PRAG1: variants seen among roughly 807,000 people sequenced by gnomAD.
PRAG1 encodes inactive tyrosine-protein kinase PRAG1.
Under a neutral mutation model 95.6 loss-of-function variants are expected in PRAG1, and 110 were observed. That is an observed-to-expected ratio of 1.15 (90% CI 0.99 to 1.35). The LOEUF (loss-of-function observed/expected upper bound fraction) is 1.35. Among genes scored for constraint, PRAG1 ranks in the 40% most tolerant of loss-of-function variants. The pLI is 0.00. For synonymous variants in PRAG1, 1,052 were observed against 819.4 expected (o/e 1.28, Z -4.85); for missense variants, 2,554 against 1,864.7 (o/e 1.37, Z -6.81).
In PRAG1 at chr8:8,377,301, T is replaced by C. The variant is rs769540254; in HGVS notation, c.1108A>G (p.Lys370Glu). 3.1e-6 allele frequency: 5 copies of C among 1,612,606 alleles called. No individual in the cohort carries two copies. In the Admixed American group the frequency reaches 8.3e-5, roughly 27 times the overall value. Residue 370 changes from lysine to glutamate, a missense_variant, in exon 3 of 6, where the codon AAG becomes GAG. Physicochemically the swap from Lys to Glu is moderately conservative, Grantham distance 56 (BLOSUM62 1). Coordinates refer to ENST00000615670, the MANE Select transcript of PRAG1 (RefSeq NM_001080826.3). Reference sequence around the variant, plus strand: ...TGCTGCTTCTCTGGGGCAGGTTCCTTCATGAGGGAGCAGTAATCACTCTCG... The same window carrying C: ...TGCTGCTTCTCTGGGGCAGGTTCCTCCATGAGGGAGCAGTAATCACTCTCG... ...HLESDYCSLM[K>E]EPAPEKQQDP...
intron 5 of PRAG1, among the ~76,000 whole-genome samples, chr8:8,320,910 G>C (rs562028835): frequency 6.6e-5 from 10 of 152,316 alleles, no homozygotes; most frequent in African/African-American, 2.4e-4. Context: ...TGTTTTTAAA[G>C]CTAATTGTCG....
At chr8:8,328,536 C>CTTTA (rs1308732028) in intron 4 of PRAG1, 75 bp from the exon 5 acceptor site, 54 of 1,452,640 alleles carry the variant, frequency 3.7e-5, no homozygotes, top group African/African-American at 3.3e-4. Context: ...ACTTGTTTCC[C>CTTTA]TTTATTTATT....
chr8:8,341,625 T>A (rs1039330008), intron 3 of PRAG1, among the ~76,000 whole-genome samples: 1 of 152,202 alleles, frequency 6.6e-6, no homozygotes. Flanking sequence ...GTTTCTCCTT[T>A]ACTCTGTGAA....
intron 5 of PRAG1, among the ~76,000 whole-genome samples, chr8:8,324,291 C>G (rs947195449): frequency 2.6e-5 from 4 of 152,324 alleles, no homozygotes; most frequent in Non-Finnish European, 5.9e-5. Context: ...CACTTGAGGC[C>G]TGGAGCTCCA....
At position 8,345,667 on chromosome 8, in the gene PRAG1, T is replaced by C. The variant is rs545019247; in HGVS notation, c.2163-6032A>G. Among the ~76,000 whole-genome samples, 502 of 152,200 alleles carry C rather than the reference T, an allele frequency of 3.3e-3. 4 individuals carry two copies. The highest frequency in any genetic ancestry group is 0.011 in the African/African-American group (472 of 41,512). On this transcript the variant is annotated intron_variant, in intron 3 of 5. Transcript: ENST00000615670. Reference sequence around the variant, plus strand: ...AAAATTAGCCAAGCACGGTGGTGTATGCCTGTAGTCCCAGCTACTCAGGAG... The same window carrying C: ...AAAATTAGCCAAGCACGGTGGTGTACGCCTGTAGTCCCAGCTACTCAGGAG...
In PRAG1 at chr8:8,319,138, G is replaced by T. The variant is rs2011560; in HGVS notation, c.3237C>A (p.His1079Gln). The T allele has an allele frequency of 5.2e-5, 84 of 1,605,660 alleles. No homozygotes were observed. The highest frequency in any genetic ancestry group is 6.9e-5 in the Non-Finnish European group (81 of 1,176,702). Residue 1079 changes from histidine to glutamine, a missense_variant, in exon 6 of 6, where the codon CAC becomes CAA. Transcript: ENST00000615670. ...PKDPVPALPTHPPAQEQDCVV... is the reference protein window; with the variant it reads ...PKDPVPALPTQPPAQEQDCVV... ...CGCAGTCCTGCTCCTGGGCAGGGGG[G>T]TGTGTGGGCAGGGCAGGCACAGGGT...
chr8:8,326,990 CATT>C (rs2117112685), intron 5 of PRAG1, among the ~76,000 whole-genome samples: 1 of 152,296 alleles, frequency 6.6e-6, no homozygotes, highest in East Asian at 1.9e-4. Flanking sequence ...CTGGATCTAA[CATT>C]AGAAGAATGA....
Position 8,376,801 on chromosome 8 carries a change from G to T in PRAG1, c.1608C>A (p.Ser536Arg). Residue 536 changes from serine (S) to arginine (R), a missense_variant, in exon 3 of 6, where the codon AGC becomes AGA. By Grantham distance (110) the Ser-to-Arg change is moderately radical. Coordinates refer to ENST00000615670, the MANE Select transcript of PRAG1 (RefSeq NM_001080826.3). ...RESHAHSASE[S>R]KPKERPAIPP... ...GAATGGCGGGCCTCTCCTTGGGCTTGCTCTCGCTGGCACTGTGAGCATGGC... is the reference window on the plus strand; with the variant it reads ...GAATGGCGGGCCTCTCCTTGGGCTTTCTCTCGCTGGCACTGTGAGCATGGC... 1.2e-6 allele frequency: 2 copies of T among 1,611,430 alleles called. No homozygotes were observed. The highest frequency in any genetic ancestry group is 1.7e-6 in the Non-Finnish European group (2 of 1,179,776).
intron 3 of PRAG1, among the ~76,000 whole-genome samples, chr8:8,362,575 C>T (rs908035641): frequency 2.6e-5 from 4 of 152,320 alleles, no homozygotes; most frequent in Middle Eastern, 3.4e-3. Context: ...AGAGACCCTG[C>T]CCCAGAGGAG....
At chr8:8,384,575 T>C (rs1165737292) in intron 1 of PRAG1, among the ~76,000 whole-genome samples, 1 of 126,930 alleles carries the variant, frequency 7.9e-6, no homozygotes, top group African/African-American at 3.1e-5. Flanking sequence ...GGTTTCTCAG[T>C]CGCAGCAAAC....
chr8:8,377,803 G>A lies in PRAG1; in HGVS notation c.606C>T (p.Ser202=). Reference sequence around the variant, plus strand: ...GTTTCTGGCGGAAGCTCTCCTGGGTGGAGGGCCGGTCTTGGTAAGGAAATG... The same window carrying A: ...GTTTCTGGCGGAAGCTCTCCTGGGTAGAGGGCCGGTCTTGGTAAGGAAATG... ...KPSFPYQDRP[S]TQESFRQKLA... Residue 202 remains serine, a synonymous_variant, in exon 3 of 6, where the codon TCC becomes TCT. Coordinates refer to ENST00000615670, the MANE Select transcript of PRAG1 (RefSeq NM_001080826.3). 6 of 1,614,162 alleles carry A rather than the reference G, an allele frequency of 3.7e-6. No homozygotes were observed. The highest frequency in any genetic ancestry group is 5.1e-6 in the Non-Finnish European group (6 of 1,180,046).
At chr8:8,378,155 G>C in intron 2 of PRAG1, 77 bp from the exon 3 acceptor site, 3 of 1,466,832 alleles carry the variant, frequency 2.0e-6, no homozygotes, top group Non-Finnish European at 2.7e-6. Flanking sequence ...AAGTGAGAGG[G>C]AAGGGCAACG....
intron 3 of PRAG1, among the ~76,000 whole-genome samples, chr8:8,365,567 T>C (rs1453563855): frequency 6.6e-6 from 1 of 151,918 alleles, no homozygotes; most frequent in African/African-American, 2.4e-5. Context: ...GAGGTTGTGG[T>C]GAGCTGACAT....
chr8:8,367,280 G>A (rs1008555237), intron 3 of PRAG1, among the ~76,000 whole-genome samples: 1 of 151,424 alleles, frequency 6.6e-6, no homozygotes, highest in African/African-American at 2.4e-5. Flanking sequence ...CCAACATGGT[G>A]AACCCCATCT....
chr8:8,373,256 C>A (rs1585272317), intron 3 of PRAG1, among the ~76,000 whole-genome samples: 1 of 152,178 alleles, frequency 6.6e-6, no homozygotes, highest in East Asian at 1.9e-4. Context: ...AGCGGAGGTA[C>A]TGAGTTCCAG....
intron 5 of PRAG1, among the ~76,000 whole-genome samples, chr8:8,320,534 C>T (rs1488915610): frequency 5.9e-5 from 9 of 152,208 alleles, no homozygotes; most frequent in Non-Finnish European, 1.3e-4. Flanking sequence ...CTCAATCTCC[C>T]TGTCATTACC....
chr8:8,357,609 C>T (rs1037839347), intron 3 of PRAG1, among the ~76,000 whole-genome samples: 13 of 152,138 alleles, frequency 8.5e-5, no homozygotes, highest in African/African-American at 2.9e-4. Context: ...AATGGTGCAG[C>T]TGCTATGGAA....
At chr8:8,354,159 A>G (rs1044049137) in intron 3 of PRAG1, among the ~76,000 whole-genome samples, 2 of 152,156 alleles carry the variant, frequency 1.3e-5, no homozygotes, top group African/African-American at 4.8e-5. Flanking sequence ...GAACAATTAT[A>G]TGCCAACAAA....
intron 3 of PRAG1, among the ~76,000 whole-genome samples, chr8:8,340,752 G>A (rs746134089): frequency 4.6e-5 from 7 of 152,140 alleles, no homozygotes; most frequent in Non-Finnish European, 5.9e-5. Context: ...AAGTTTGTTC[G>A]CTACCACAAA....
Sources: gnomAD v4.1 joint callset for allele counts (sites outside exome capture counted in the v4.1 genomes callset) on GRCh38, gnomAD v4.1.1 for gene constraint, MANE v1.5 for transcripts, NCBI Gene and HGNC (gene_info 2026-07-23, HGNC 2026-07-21) for gene names.